Variants in LARGE1 observed in about 807,000 individuals in gnomAD.
LARGE1 encodes the protein LARGE xylosyl- and glucuronyltransferase 1.
A neutral mutation model predicts 87.6 loss-of-function variants in LARGE1; 43 were observed. The observed-to-expected ratio is 0.49, with a 90% confidence interval of 0.38 to 0.63. The LOEUF is 0.63. Ranked by LOEUF, LARGE1 falls within the 30% of genes least tolerant of loss-of-function variation. The pLI is 0.00. For missense variants in LARGE1, 802 were observed against 1,000.2 expected (o/e 0.80, Z 2.67); for synonymous variants, 434 against 394.6 (o/e 1.10, Z -1.18).
At chr22:33,429,715 T>G (rs1465441517) in intron 7 of LARGE1, among the ~76,000 whole-genome samples, 2 of 152,178 alleles carry the variant, frequency 1.3e-5, no homozygotes, top group Admixed American at 6.5e-5. Flanking sequence ...TTCCTGAGAC[T>G]TCCTTTCTCC....
At position 33,762,213 on chromosome 22, in the gene LARGE1, C is replaced by CAAAAAAAAAA. The variant is rs56832457; in HGVS notation, c.-82-665_-82-656dup. Among the ~76,000 whole-genome samples, 6 of 84,476 alleles carry CAAAAAAAAAA rather than the reference C, an allele frequency of 7.1e-5. 1 individual carries two copies. The highest frequency in any genetic ancestry group is 1.5e-4 in the African/African-American group (3 of 19,586). 55.4% of individuals were successfully genotyped at this position (84,476 alleles called of 152,430 possible). ...AGGGAGACAGAGCGAGATTCTATCT[C>CAAAAAAAAAA]AAAAAAAAAAAAAAAAAAAAAAAAA... On this transcript the variant is annotated intron_variant, in intron 1 of 14. Transcript: ENST00000397394.
chr22:33,774,192 C>G (rs1156588646), intron 1 of LARGE1, among the ~76,000 whole-genome samples: 1 of 152,064 alleles, frequency 6.6e-6, no homozygotes, highest in African/African-American at 2.4e-5. Context: ...CCCTATGAAA[C>G]AAATTATGTC....
intron 12 of LARGE1, among the ~76,000 whole-genome samples, chr22:33,285,306 A>G (rs1391530968): frequency 6.6e-6 from 1 of 152,050 alleles, no homozygotes; most frequent in East Asian, 1.9e-4. Context: ...AACCACTGAA[A>G]GCAGCAGCCC....
chr22:33,888,608 C>A (rs2064922576), intron 1 of LARGE1, among the ~76,000 whole-genome samples: 1 of 152,188 alleles, frequency 6.6e-6, no homozygotes, highest in Non-Finnish European at 1.5e-5. Flanking sequence ...GTAATCCCAG[C>A]ACTTTGGGAG....
At chr22:33,660,086 GTGTGTTTTTTT>G (rs2081077929) in intron 2 of LARGE1, among the ~76,000 whole-genome samples, 1 of 112,922 alleles carries the variant, frequency 8.9e-6, no homozygotes, top group African/African-American at 4.4e-5. Context: ...GTGTGTGTGT[GTGTGTTTTTTT>G]TTTTTTTTTT....
chr22:33,382,514 C>T (rs77875104), intron 8 of LARGE1, among the ~76,000 whole-genome samples: 2,520 of 152,204 alleles, frequency 0.017, 76 homozygotes, highest in African/African-American at 0.058. Context: ...CTTCCTGGGG[C>T]CTGCGGTGGA....
chr22:33,650,644 G>T lies in LARGE1; in HGVS notation c.131C>A (p.Pro44Gln). 6.2e-7 allele frequency: 1 copy of T among 1,602,002 alleles called. No individual in the cohort carries two copies. Among genetic ancestry groups the T allele is most frequent in the African/African-American group, 1.3e-5 (1 of 75,010 alleles). ...GGGGCTGTGTGCCTGGGACTCCAGC[G>T]GTGACAGAGACACGGGCTTTCCATC... ...FEDGKPVSLS[P>Q]LESQAHSPRY... Residue 44 changes from proline to glutamine, a missense_variant, in exon 3 of 15, where the codon CCG (proline) becomes CAG (glutamine). Transcript: ENST00000397394.
rs991291103 is a variant in LARGE1 at position 33,767,022 on chromosome 22, T to A, written c.-82-5464A>T. ...CATTGCTTTTACAATTTAAAAGTTA[T>A]TTAAAAATTGGCCAGGCACAGTGGC... On this transcript the variant is annotated intron_variant, in intron 1 of 14. Coordinates refer to ENST00000397394, the MANE Select transcript of LARGE1 (RefSeq NM_133642.5). Among the ~76,000 whole-genome samples the A allele has an allele frequency of 4.1e-5, 6 of 148,120 alleles. No individual in the cohort carries two copies. The Admixed American group carries it at 4.1e-4, about 10-fold the overall frequency.
intron 6 of LARGE1, among the ~76,000 whole-genome samples, chr22:33,536,022 T>A (rs73882247): frequency 6.6e-6 from 1 of 152,202 alleles, no homozygotes; most frequent in African/African-American, 2.4e-5. Context: ...AAAGTCCGCA[T>A]GGTCACTTAA....
At chr22:33,435,615 G>A (rs73407331) in intron 6 of LARGE1, among the ~76,000 whole-genome samples, 2,487 of 152,216 alleles carry the variant, frequency 0.016, 59 homozygotes, top group African/African-American at 0.055. Flanking sequence ...TCCCCTGTAT[G>A]GAAAACTGCA....
At chr22:33,505,592 A>G (rs1210560794) in intron 6 of LARGE1, among the ~76,000 whole-genome samples, 1 of 152,178 alleles carries the variant, frequency 6.6e-6, no homozygotes, top group Non-Finnish European at 1.5e-5. Flanking sequence ...GGGAGAAGTT[A>G]CAAGAGGAGA....
chr22:33,579,380 A>T (rs976329006), intron 5 of LARGE1, among the ~76,000 whole-genome samples: 1 of 152,176 alleles, frequency 6.6e-6, no homozygotes, highest in Non-Finnish European at 1.5e-5. Flanking sequence ...GTCCAGTTAA[A>T]TCTCTTTCTT....
In LARGE1 at chr22:33,882,067, GA is replaced by G. The variant is rs1389256777; in HGVS notation, c.-83+37927del. Among the ~76,000 whole-genome samples, 3 of 148,904 alleles carry G rather than the reference GA, an allele frequency of 2.0e-5. No individual in the cohort carries two copies. In the East Asian group the frequency reaches 5.8e-4, roughly 29 times the overall value. ...TTTGTTTTTTTTTTTTTTTGAGACG[GA>G]GTCTCGCTCTGTCACCCAGGCTGGA... On this transcript the variant is annotated intron_variant, in intron 1 of 14. Transcript: ENST00000397394.
chr22:33,342,365 A>C (rs986771177), intron 9 of LARGE1, among the ~76,000 whole-genome samples: 2 of 152,208 alleles, frequency 1.3e-5, no homozygotes, highest in African/African-American at 4.8e-5. Context: ...GATTGTGCAC[A>C]AATCTGCCAG....
chr22:33,195,125 TATCTCA>T (rs1923997494), intron 11 of LARGE1, among the ~76,000 whole-genome samples: 1 of 152,210 alleles, frequency 6.6e-6, no homozygotes. Context: ...AGAACCGTCA[TATCTCA>T]ATCAAGATTT....
intron 2 of LARGE1, among the ~76,000 whole-genome samples, chr22:33,665,015 C>A (rs368888770): frequency 6.6e-6 from 1 of 152,188 alleles, no homozygotes; most frequent in Non-Finnish European, 1.5e-5. Context: ...CCAGCCATGC[C>A]GGCCTGGCAT....
intron 6 of LARGE1, among the ~76,000 whole-genome samples, chr22:33,535,977 C>T (rs2077031457): frequency 6.6e-6 from 1 of 152,168 alleles, no homozygotes; most frequent in Admixed American, 6.5e-5. Flanking sequence ...CTCATGTGTT[C>T]AAGTTGCCAT....
intron 6 of LARGE1, among the ~76,000 whole-genome samples, chr22:33,439,551 C>A (rs1489625186): frequency 7.2e-5 from 11 of 152,122 alleles, no homozygotes; most frequent in African/African-American, 2.7e-4. Flanking sequence ...TGCTGGTGCT[C>A]CCCAACTCCC....
At chr22:33,834,996 T>C (rs1033417475) in intron 1 of LARGE1, among the ~76,000 whole-genome samples, 1 of 116,948 alleles carries the variant, frequency 8.6e-6, no homozygotes, top group African/African-American at 3.5e-5. Flanking sequence ...ATTTTTGCTC[T>C]AAAGTTTGAG....
Sources: allele counts gnomAD v4.1 joint callset (sites outside exome capture counted in the v4.1 genomes callset), GRCh38; gene constraint gnomAD v4.1.1; transcripts MANE v1.5; gene names NCBI Gene and HGNC (gene_info 2026-07-23, HGNC 2026-07-21).